The following KIAA0825 variants were observed in gnomAD, a reference collection of about 807,000 sequenced individuals.
The protein encoded by KIAA0825 is KIAA0825, also known as uncharacterized protein KIAA0825.
In KIAA0825, 119 loss-of-function variants were observed where a neutral mutation model predicts 147.6. The observed-to-expected ratio is 0.81, with a 90% CI of 0.69 to 0.94. The LOEUF is 0.94. KIAA0825 is among the 40% of genes least tolerant of loss of function. KIAA0825 has a pLI of 0.00. For synonymous variants in KIAA0825, 470 were observed against 518.1 expected (o/e 0.91, Z 1.26); for missense variants, 1,381 against 1,472.7 (o/e 0.94, Z 1.02).
chr5:94,357,181 G>T (rs75904445), intron 20 of KIAA0825, among the ~76,000 whole-genome samples: 2,432 of 152,256 alleles, frequency 0.016, 38 homozygotes, highest in Non-Finnish European at 0.025. Context: ...CGGTTAAAAC[G>T]CATCTACAGA....
In KIAA0825 at chr5:94,471,634, T is replaced by C; in HGVS notation, c.1553A>G (p.Glu518Gly). 2 of 1,552,108 alleles carry C rather than the reference T, an allele frequency of 1.3e-6. No homozygotes were observed. The highest frequency in any genetic ancestry group is 1.7e-6 in the Non-Finnish European group (2 of 1,147,076). ...SFQEIRANLV[E>G]ACCKVATAVL... is the part of the protein sequence containing the mutation. ...AGCTGTTGCCACTTTACAACAGGCCTCCACCAAGTTTGCTCTAATTTCCTG... is the reference window on the plus strand; with the variant it reads ...AGCTGTTGCCACTTTACAACAGGCCCCCACCAAGTTTGCTCTAATTTCCTG... Residue 518 changes from glutamate (E) to glycine (G), a missense_variant, in exon 9 of 21, where the codon GAG becomes GGG. Coordinates refer to ENST00000682413, the MANE Select transcript of KIAA0825 (RefSeq NM_001145678.3).
At chr5:94,359,113 C>T (rs956646924) in intron 20 of KIAA0825, among the ~76,000 whole-genome samples, 3 of 152,178 alleles carry the variant, frequency 2.0e-5, no homozygotes, top group Admixed American at 2.0e-4. Context: ...AGTGTTCAAT[C>T]ATTTGAACAA....
At chr5:94,539,479 T>C (rs11957804) in intron 2 of KIAA0825, among the ~76,000 whole-genome samples, 1,850 of 152,200 alleles carry the variant, frequency 0.012, 40 homozygotes, top group African/African-American at 0.043. Context: ...TGGACTATAA[T>C]AAGGAAACCC....
intron 5 of KIAA0825, among the ~76,000 whole-genome samples, chr5:94,500,657 G>A (rs1764962149): frequency 6.6e-6 from 1 of 152,126 alleles, no homozygotes; most frequent in Admixed American, 6.5e-5. Context: ...TGAATCTCCA[G>A]GGCGAGATCA....
At chr5:94,255,652 G>C (rs1490372143) in intron 20 of KIAA0825, among the ~76,000 whole-genome samples, 1 of 147,962 alleles carries the variant, frequency 6.8e-6, no homozygotes, top group Non-Finnish European at 1.5e-5. Context: ...TCTTATGCCT[G>C]AGGTAACCTT....
intron 20 of KIAA0825, among the ~76,000 whole-genome samples, chr5:94,189,055 G>T (rs888196611): frequency 1.3e-5 from 2 of 152,066 alleles, no homozygotes; most frequent in Non-Finnish European, 2.9e-5. Context: ...ACCTGTGCTC[G>T]TTGGCCATTT....
intron 20 of KIAA0825, among the ~76,000 whole-genome samples, chr5:94,237,574 C>T (rs886997626): frequency 4.6e-5 from 7 of 152,286 alleles, no homozygotes; most frequent in East Asian, 1.9e-4. Flanking sequence ...CTCTCTTACT[C>T]GCTTGGTTTC....
intron 3 of KIAA0825, among the ~76,000 whole-genome samples, chr5:94,533,524 C>T (rs1771350686): frequency 1.3e-5 from 2 of 152,238 alleles, no homozygotes; most frequent in Middle Eastern, 3.4e-3. Flanking sequence ...ATCCGCCCGC[C>T]TCAGCCTCCA....
chr5:94,552,302 T>C (rs966366414), intron 2 of KIAA0825, among the ~76,000 whole-genome samples: 2 of 152,158 alleles, frequency 1.3e-5, no homozygotes, highest in African/African-American at 4.8e-5. Context: ...AGACACAGAC[T>C]GCAATGCAAT....
At chr5:94,554,008 C>A (rs1231471589) in intron 2 of KIAA0825, among the ~76,000 whole-genome samples, 1 of 152,160 alleles carries the variant, frequency 6.6e-6, no homozygotes, top group African/African-American at 2.4e-5. Context: ...ATTTCCCTTC[C>A]CTAGGCACAC....
chr5:94,167,995 C>T (rs1768213902), intron 20 of KIAA0825, among the ~76,000 whole-genome samples: 1 of 150,224 alleles, frequency 6.7e-6, no homozygotes, highest in South Asian at 2.1e-4. Flanking sequence ...CTATGGTACA[C>T]TACTTAGAAC....
intron 18 of KIAA0825, among the ~76,000 whole-genome samples, chr5:94,388,059 A>G (rs1176796666): frequency 1.3e-5 from 2 of 152,100 alleles, no homozygotes; most frequent in African/African-American, 4.8e-5. Flanking sequence ...CTGGAAGACA[A>G]TTTTTCCATG....
intron 14 of KIAA0825, among the ~76,000 whole-genome samples, chr5:94,420,947 C>G (rs1584443370): frequency 6.6e-6 from 1 of 151,640 alleles, no homozygotes; most frequent in East Asian, 1.9e-4. Context: ...TTTCTCTAAG[C>G]CTCATCCTCC....
chr5:94,461,370 A>C (rs1265260951), intron 12 of KIAA0825, among the ~76,000 whole-genome samples: 2 of 151,964 alleles, frequency 1.3e-5, no homozygotes, highest in South Asian at 4.1e-4. Context: ...ATCTATGGTA[A>C]ATCAGTTTAG....
At chr5:94,155,057 A>C (rs1464283410) in intron 20 of KIAA0825, among the ~76,000 whole-genome samples, 1 of 152,096 alleles carries the variant, frequency 6.6e-6, no homozygotes, top group African/African-American at 2.4e-5. Context: ...CTAATAACAA[A>C]CAAGCAGCTA....
chr5:94,330,145 T>C (rs1781123205), intron 20 of KIAA0825, among the ~76,000 whole-genome samples: 1 of 152,074 alleles, frequency 6.6e-6, no homozygotes, highest in Non-Finnish European at 1.5e-5. Context: ...CACAATGTGG[T>C]AGTACTAAAA....
Position 94,551,844 on chromosome 5 carries a change from AAAAT to A in KIAA0825, c.-1-14721_-1-14718del, listed in dbSNP as rs146110503. Among the ~76,000 whole-genome samples the A allele has an allele frequency of 8.4e-3, 1,273 of 152,218 alleles. 18 individuals are homozygous for A. Among genetic ancestry groups the A allele is most frequent in the African/African-American group, 0.029 (1,204 of 41,526 alleles). On this transcript the variant is annotated intron_variant, in intron 2 of 20. Transcript: ENST00000682413. ...ACTACAGAAAAACCATCAAACTGCAAAAATAAATAGAGAGAAATTAAGGGAAAAA... is the reference window on the plus strand; with the variant it reads ...ACTACAGAAAAACCATCAAACTGCAAAAATAGAGAGAAATTAAGGGAAAAA...
At chr5:94,455,508 G>A (rs529099341) in intron 12 of KIAA0825, among the ~76,000 whole-genome samples, 1 of 152,192 alleles carries the variant, frequency 6.6e-6, no homozygotes, top group East Asian at 1.9e-4. Flanking sequence ...TTTTGAGAGG[G>A]AAACATAATA....
At chr5:94,284,916 G>A (rs2150158455) in intron 20 of KIAA0825, among the ~76,000 whole-genome samples, 1 of 152,166 alleles carries the variant, frequency 6.6e-6, no homozygotes, top group South Asian at 2.1e-4. Flanking sequence ...ATGGTGATTT[G>A]TGATTTGTGT....
Sources: gnomAD v4.1 joint callset for allele counts (sites outside exome capture counted in the v4.1 genomes callset) on GRCh38, gnomAD v4.1.1 for gene constraint, MANE v1.5 for transcripts, NCBI Gene and HGNC (gene_info 2026-07-23, HGNC 2026-07-21) for gene names.